The following MCTP1 variants were observed in gnomAD, a reference collection of about 807,000 sequenced individuals.
MCTP1 encodes the protein multiple C2 and transmembrane domain-containing protein 1.
In MCTP1, 69 loss-of-function variants were observed where a neutral mutation model predicts 120.6. The observed-to-expected ratio is 0.57, with a 90% CI of 0.47 to 0.70. The LOEUF (loss-of-function observed/expected upper bound fraction) is 0.70. Among genes scored for constraint, MCTP1 ranks in the 30% least tolerant of loss-of-function variants. The pLI is 0.00. For missense variants in MCTP1, 1,203 were observed against 1,248.8 expected, an observed-to-expected ratio of 0.96 and a Z score of 0.55; for synonymous variants, 529 against 493.1, an observed-to-expected ratio of 1.07 and a Z score of -0.96.
At chr5:94,832,952 T>G (rs1320354241) in intron 17 of MCTP1, among the ~76,000 whole-genome samples, 1 of 152,088 alleles carries the variant, frequency 6.6e-6, no homozygotes, top group African/African-American at 2.4e-5. Context: ...ACAGGGTGGG[T>G]AGAGATAATG....
intron 19 of MCTP1, 151 bp downstream of exon 19, chr5:94,778,959 C>T: frequency 3.0e-6 from 2 of 663,472 alleles, no homozygotes; most frequent in Non-Finnish European, 5.5e-6. Context: ...TCCCTCTTTG[C>T]AACACGCAGT....
chr5:95,043,806 T>C (rs1842735049), intron 1 of MCTP1, among the ~76,000 whole-genome samples: 1 of 152,148 alleles, frequency 6.6e-6, no homozygotes, highest in South Asian at 2.1e-4. Context: ...CTTTGTAAAT[T>C]AATGGGATTA....
At chr5:94,985,986 T>C (rs1160773554) in intron 2 of MCTP1, among the ~76,000 whole-genome samples, 1 of 152,180 alleles carries the variant, frequency 6.6e-6, no homozygotes, top group Non-Finnish European at 1.5e-5. Flanking sequence ...TGCATGCCTG[T>C]TTTCTCCATT....
rs1330340732 is a variant in MCTP1, at chr5:94,942,397, C to T, written c.1012G>A (p.Asp338Asn). ...VFDYDFGLQD[D>N]FMGSAFLDLT... ...TCCAGAAAGGCTGAGCCCATAAAGT[C>T]ATCCTGTAGTCCAAAATCATAGTCA... Residue 338 changes from aspartate to asparagine, a missense_variant, in exon 4 of 23, where the codon GAC (aspartate) becomes AAC (asparagine). By Grantham distance (23) the Asp-to-Asn change is conservative. Transcript: ENST00000515393. 3.1e-6 allele frequency: 5 copies of T among 1,611,094 alleles called. No homozygotes were observed. In the Admixed American group the frequency reaches 6.7e-5, roughly 22 times the overall value.
intron 17 of MCTP1, among the ~76,000 whole-genome samples, chr5:94,852,920 C>T (rs541813214): frequency 2.0e-5 from 3 of 151,958 alleles, no homozygotes; most frequent in South Asian, 2.1e-4. Context: ...ATAAAAGCTT[C>T]GTGATCTTTG....
intron 1 of MCTP1, chr5:95,081,515 T>C: frequency 6.3e-7 from 1 of 1,598,812 alleles, no homozygotes; most frequent in Non-Finnish European, 8.5e-7. Context: ...CATCTTTCAC[T>C]CCAGTGAGAG....
At chr5:94,874,807 C>T (rs751661443) in intron 12 of MCTP1, among the ~76,000 whole-genome samples, 6 of 152,092 alleles carry the variant, frequency 3.9e-5, no homozygotes, top group Non-Finnish European at 8.8e-5. Flanking sequence ...TTTTCTCCCA[C>T]GGAATTCAGA....
chr5:94,750,389 A>T (rs939860641), intron 19 of MCTP1, among the ~76,000 whole-genome samples: 13 of 152,344 alleles, frequency 8.5e-5, no homozygotes, highest in African/African-American at 2.9e-4. Context: ...TTATTTTAGA[A>T]TCATAAACCT....
At chr5:95,066,500 A>G (rs1197046369) in intron 1 of MCTP1, among the ~76,000 whole-genome samples, 1 of 152,212 alleles carries the variant, frequency 6.6e-6, no homozygotes, top group Non-Finnish European at 1.5e-5. Flanking sequence ...ACTACTGGGT[A>G]TATATCCAAA....
chr5:95,231,359 T>C (rs1183313578), intron 1 of MCTP1, among the ~76,000 whole-genome samples: 3 of 152,116 alleles, frequency 2.0e-5, no homozygotes, highest in Admixed American at 6.6e-5. Context: ...TATACACATA[T>C]ATAGACTTTT....
Position 94,975,920 on chromosome 5 carries a change from T to A in MCTP1, c.839-22559A>T, listed in dbSNP as rs77373857. Among the ~76,000 whole-genome samples, 6 of 152,254 alleles carry A rather than the reference T, an allele frequency of 3.9e-5. No individual in the cohort carries two copies. In the East Asian group the frequency reaches 1.2e-3, roughly 29 times the overall value. On this transcript the variant is annotated intron_variant, in intron 2 of 22. Transcript: ENST00000515393. ...TTGAGGCCTTGCTGTTTATTTCTGA[T>A]CCCTGATGTCTAGCACAACTCCTGG... is the stretch of plus-strand genomic sequence containing the variant.
Position 95,052,617 on chromosome 5 carries a change from G to GC in MCTP1, c.721-35134dup, listed in dbSNP as rs112273940. On this transcript the variant is annotated intron_variant, in intron 1 of 22. Transcript: ENST00000515393. ...TTGCCATCCTATAGCCTTTCAAAGAGCCCCATGCCTCTGATTGCAGCAGGG... is the reference window on the plus strand; with the variant it reads ...TTGCCATCCTATAGCCTTTCAAAGAGCCCCCATGCCTCTGATTGCAGCAGGG... 2.9e-3 allele frequency among the ~76,000 whole-genome samples: 447 copies of GC among 152,266 alleles called. 1 individual carries two copies. Among genetic ancestry groups the GC allele is most frequent in the African/African-American group, 0.01 (420 of 41,558 alleles).
At chr5:95,039,970 T>A (rs1842054565) in intron 1 of MCTP1, among the ~76,000 whole-genome samples, 2 of 151,970 alleles carry the variant, frequency 1.3e-5, no homozygotes, top group African/African-American at 4.8e-5. Flanking sequence ...TCACTGCTAA[T>A]TTTTTAAAAC....
At chr5:94,761,139 CA>C (rs1484495187) in intron 19 of MCTP1, among the ~76,000 whole-genome samples, 1 of 152,370 alleles carries the variant, frequency 6.6e-6, no homozygotes, top group African/African-American at 2.4e-5. Context: ...AAATGTTCTG[CA>C]ACCTCCTTTT....
intron 1 of MCTP1, among the ~76,000 whole-genome samples, chr5:95,217,544 ATAATCTCTGTCAT>A (rs1412768999): frequency 6.6e-6 from 1 of 152,188 alleles, no homozygotes; most frequent in Non-Finnish European, 1.5e-5. Flanking sequence ...ATGTGAGGTC[ATAATCTCTGTCAT>A]TAAACTCCCA....
chr5:94,869,348 A>G (rs954026447), intron 16 of MCTP1, among the ~76,000 whole-genome samples: 1 of 152,050 alleles, frequency 6.6e-6, no homozygotes, highest in African/African-American at 2.4e-5. Context: ...GAAAAAATAT[A>G]TATATGGGCA....
intron 1 of MCTP1, among the ~76,000 whole-genome samples, chr5:95,044,311 A>C (rs927085061): frequency 2.0e-5 from 3 of 152,350 alleles, no homozygotes; most frequent in Non-Finnish European, 4.4e-5. Context: ...AAAGCAGGAC[A>C]AGTGTCCTGG....
chr5:95,169,766 T>C (rs1746971331), intron 1 of MCTP1, among the ~76,000 whole-genome samples: 1 of 152,172 alleles, frequency 6.6e-6, no homozygotes, highest in Admixed American at 6.5e-5. Context: ...TTTTATTGCA[T>C]CTATTTGATT....
rs1760612101 is a variant in MCTP1, at chr5:95,284,625, G to C, written c.-50C>G. The C allele has an allele frequency of 1.5e-6, 2 of 1,320,022 alleles. No individual in the cohort carries two copies. The highest frequency in any genetic ancestry group is 2.0e-6 in the Non-Finnish European group (2 of 1,018,936). 81.8% of individuals were successfully genotyped at this position (1,320,022 alleles called of 1,614,324 possible). On this transcript the variant is annotated 5_prime_UTR_variant, in exon 1 of 23. Transcript: ENST00000515393. The surrounding 1 kb of genome is among the most constrained non-coding windows in gnomAD (Gnocchi z 5.2). ...CCCTCCTCCTCCTCCTCCTCCTCCT[G>C]CTTCTCCTCCCTCTTCGGCTGCACC...
Sources: gnomAD v4.1 joint callset for allele counts (sites outside exome capture counted in the v4.1 genomes callset) on GRCh38, gnomAD v4.1.1 for gene constraint, Gnocchi (gnomAD v3.1) non-coding constraint, MANE v1.5 for transcripts, NCBI Gene and HGNC (gene_info 2026-07-23, HGNC 2026-07-21) for gene names.